The following LETM1 variants were observed in gnomAD, a reference collection of about 807,000 sequenced individuals.
LETM1 encodes mitochondrial proton/calcium exchanger protein.
LETM1 carries 50 observed loss-of-function variants against 74.5 expected under a neutral mutation model. The observed-to-expected ratio is 0.67, with a 90% confidence interval of 0.53 to 0.85. The LOEUF (loss-of-function observed/expected upper bound fraction) is 0.85, where lower values mean the gene tolerates loss of function less well. LETM1 is among the 40% of genes least tolerant of loss of function. LETM1 has a pLI of 0.00. For synonymous variants in LETM1, 446 were observed against 407.1 expected (o/e 1.10, Z -1.15); for missense variants, 824 against 967.8 (o/e 0.85, Z 1.97).
At chr4:1,818,145 G>C (rs1371926133) in intron 11 of LETM1, among the ~76,000 whole-genome samples, 1 of 152,148 alleles carries the variant, frequency 6.6e-6, no homozygotes, top group Non-Finnish European at 1.5e-5. Context: ...GGAAGAATGG[G>C]GAAGGCGAGG....
At position 1,841,512 on chromosome 4, in the gene LETM1, G is replaced by C. The variant is rs1341737552; in HGVS notation, c.429C>G (p.Pro143=). The change falls in exon 3 of 14, where the codon CCC becomes CCG. Residue 143 remains proline, a synonymous_variant. Coordinates refer to ENST00000302787, the MANE Select transcript of LETM1 (RefSeq NM_012318.3). ...ACTTCTTCACCACCACCTCTGCGGG[G>C]GGGCTGTACACCGGGCCGCCTTCCT... ...KLEEGGPVYS[P]PAEVVVKKSL... 1.9e-6 allele frequency: 3 copies of C among 1,614,114 alleles called. No individual in the cohort carries two copies. Among genetic ancestry groups the C allele is most frequent in the African/African-American group, 2.7e-5 (2 of 74,936 alleles).
chr4:1,819,377 C>T lies in LETM1; in HGVS notation c.1704G>A (p.Glu568=). 1 of 1,613,648 alleles carries T rather than the reference C, an allele frequency of 6.2e-7. No individual in the cohort carries two copies. The highest frequency in any genetic ancestry group is 1.1e-5 in the South Asian group (1 of 91,004). ...QKKSLTKEKE[E]LELLKEDVQD... ...GCACATCCTCCTTCAGCAGCTCCAGCTCCTCCTTCTCCTTGGTGAGTGACT... is the reference window on the plus strand; with the variant it reads ...GCACATCCTCCTTCAGCAGCTCCAGTTCCTCCTTCTCCTTGGTGAGTGACT... Residue 568 remains glutamate (E), a synonymous_variant, in exon 11 of 14, where the codon GAG becomes GAA. Transcript: ENST00000302787.
intron 11 of LETM1, 44 bp from the exon 12 acceptor site, chr4:1,816,958 A>C (rs547154533): frequency 6.5e-7 from 1 of 1,546,742 alleles, no homozygotes; most frequent in African/African-American, 1.4e-5. Flanking sequence ...CTTAAAAGAA[A>C]AAGGGGGTCA....
chr4:1,849,710 T>A (rs552897703), intron 1 of LETM1, among the ~76,000 whole-genome samples: 42 of 152,312 alleles, frequency 2.8e-4, no homozygotes, highest in African/African-American at 9.4e-4. Flanking sequence ...GTGTGCACCA[T>A]CAGGCCAGGC....
At chr4:1,847,994 CAAAAAA>C (rs947296976) in intron 2 of LETM1, among the ~76,000 whole-genome samples, 2 of 139,188 alleles carry the variant, frequency 1.4e-5, no homozygotes, top group Non-Finnish European at 3.1e-5. Flanking sequence ...GACTCTGTCT[CAAAAAA>C]AATAAAAATA....
intron 1 of LETM1, among the ~76,000 whole-genome samples, chr4:1,850,521 C>T (rs1271231043): frequency 6.6e-6 from 1 of 151,930 alleles, no homozygotes; most frequent in Non-Finnish European, 1.5e-5. Context: ...TACAACCGGA[C>T]CGGGCGCAGT....
At chr4:1,847,159 C>A (rs1284129387) in intron 2 of LETM1, among the ~76,000 whole-genome samples, 1 of 151,810 alleles carries the variant, frequency 6.6e-6, no homozygotes, top group Non-Finnish European at 1.5e-5. Flanking sequence ...TAGTGAGAAC[C>A]TGTCTCTACA....
In LETM1 at chr4:1,823,681, T is replaced by C. The variant is rs1158483487; in HGVS notation, c.1295A>G (p.Gln432Arg). ...YLPDTLSPAD[Q>R]LKSTLQTLPE... is the part of the protein sequence containing the mutation. ...GAGGGTCTGCAGTGTGGACTTGAGC[T>C]GGTCGGCTGGAGAGAGGGTGTCCGG... Residue 432 changes from glutamine (Q) to arginine (R), a missense_variant, in exon 8 of 14, where the codon CAG (glutamine) becomes CGG (arginine). By Grantham distance (43) the Gln-to-Arg change is conservative. Transcript: ENST00000302787. The C allele has an allele frequency of 1.9e-6, 3 of 1,613,936 alleles. No homozygotes were observed. The highest frequency in any genetic ancestry group is 1.7e-6 in the Non-Finnish European group (2 of 1,179,972).
chr4:1,842,245 T>A (rs1712728557), intron 2 of LETM1, among the ~76,000 whole-genome samples: 1 of 152,198 alleles, frequency 6.6e-6, no homozygotes, highest in African/African-American at 2.4e-5. Flanking sequence ...GAAAGATCCG[T>A]GGCTCTTGAA....
rs372837030 is a variant in LETM1 at position 1,814,284 on chromosome 4, T to A, written c.*140A>T. 18 of 1,307,618 alleles carry A rather than the reference T, an allele frequency of 1.4e-5. 1 individual carries two copies. Among genetic ancestry groups the A allele is most frequent in the South Asian group, 9.6e-5 (7 of 72,616 alleles). 81.0% of individuals were successfully genotyped at this position (1,307,618 alleles called of 1,614,324 possible). ...CTCCGTGGAATGATGAAAATTAAAA[T>A]TTACTTGATTATGGAAGTCTCTGAT... is the stretch of plus-strand genomic sequence containing the variant. On this transcript the variant is annotated 3_prime_UTR_variant, in exon 14 of 14. Coordinates refer to ENST00000302787, the MANE Select transcript of LETM1 (RefSeq NM_012318.3).
In LETM1 at chr4:1,834,634, C is replaced by G. The variant is rs908772510; in HGVS notation, c.876+211G>C. The stretch of plus-strand genomic sequence containing the variant: ...AGACGCCCATAATTCTGAAGGCTGA[C>G]GAGGCGCAGCCACCACAGCTTAACT... On this transcript the variant is annotated intron_variant, in intron 5 of 13. Coordinates refer to ENST00000302787, the MANE Select transcript of LETM1 (RefSeq NM_012318.3). The surrounding 1 kb of genome is among the most constrained non-coding windows in gnomAD (Gnocchi z 5.0). 99 of 1,390,972 alleles carry G rather than the reference C, an allele frequency of 7.1e-5. No homozygotes were observed. Among genetic ancestry groups the G allele is most frequent in the Non-Finnish European group, 8.7e-5 (93 of 1,074,168 alleles). 86.2% of individuals were successfully genotyped at this position (1,390,972 alleles called of 1,614,324 possible). A position where few individuals can be genotyped will look rare whatever the true frequency, so the allele number is the denominator to read the frequency against.
intron 2 of LETM1, among the ~76,000 whole-genome samples, chr4:1,842,627 G>A (rs74996168): frequency 1.4e-4 from 21 of 152,336 alleles, no homozygotes; most frequent in East Asian, 5.8e-4. Flanking sequence ...GTAGGCCACC[G>A]AGGGCCAGAG....
intron 10 of LETM1, among the ~76,000 whole-genome samples, chr4:1,821,942 C>T (rs578078275): frequency 7.9e-5 from 12 of 152,334 alleles, no homozygotes; most frequent in East Asian, 5.8e-4. Flanking sequence ...GCTAAGTTCA[C>T]GGCAGCGTCA....
chr4:1,825,732 GAC>G (rs1217207483), intron 6 of LETM1, 49 bp from the exon 7 acceptor site: 1 of 1,562,052 alleles, frequency 6.4e-7, no homozygotes, highest in Non-Finnish European at 8.7e-7. Flanking sequence ...GCTGGTGGGT[GAC>G]AGTGTCTGTG....
At chr4:1,831,303 C>T (rs993981189) in intron 6 of LETM1, among the ~76,000 whole-genome samples, 1 of 152,234 alleles carries the variant, frequency 6.6e-6, no homozygotes, top group African/African-American at 2.4e-5. Context: ...TGCAGGCTCC[C>T]CATCCAGCCT....
chr4:1,855,894 C>T lies in LETM1; in HGVS notation c.57G>A (p.Pro19=), dbSNP rs1202080927. The change falls in exon 1 of 14, where the codon CCG becomes CCA. Residue 19 remains proline (P), a synonymous_variant. Transcript: ENST00000302787. ...CCCGCGGGACGGTGTACCGAGGCGG[C>T]GGCGGGAGGCGGGCGGGCGCCCGGC... The part of the protein sequence containing the change: ...CRGRAPARLP[P]PPRYTVPRGS... The T allele has an allele frequency of 8.1e-7, 1 of 1,239,038 alleles. No individual in the cohort carries two copies. The highest frequency in any genetic ancestry group is 1.0e-6 in the Non-Finnish European group (1 of 994,140). The allele number at this position is 1,239,038 out of a possible 1,614,324, so 76.8% of individuals were successfully genotyped here.
chr4:1,835,263 G>A (rs1210206166), intron 4 of LETM1, among the ~76,000 whole-genome samples: 2 of 151,928 alleles, frequency 1.3e-5, no homozygotes, highest in African/African-American at 2.4e-5. Flanking sequence ...TGGCCAACAC[G>A]GTGAAACCCC....
At position 1,834,809 on chromosome 4, in the gene LETM1, TG is replaced by T; in HGVS notation, c.876+35del. The T allele has an allele frequency of 5.6e-6, 9 of 1,610,722 alleles. No homozygotes were observed. The highest frequency in any genetic ancestry group is 7.6e-6 in the Non-Finnish European group (9 of 1,177,528). Reference sequence around the variant, plus strand: ...AAACAGAAAATCAGGGAAGGCTCCCTGGTGAGGTCACAGGGACTCAGACGTA... The same window carrying T: ...AAACAGAAAATCAGGGAAGGCTCCCTGTGAGGTCACAGGGACTCAGACGTA... On this transcript the variant is annotated intron_variant, in intron 5 of 13. Transcript: ENST00000302787. This position sits in a 1 kb window ranked among gnomAD's most constrained non-coding sequence, Gnocchi z 5.0.
intron 3 of LETM1, among the ~76,000 whole-genome samples, chr4:1,839,714 C>T (rs1267319190): frequency 6.6e-6 from 1 of 152,214 alleles, no homozygotes; most frequent in African/African-American, 2.4e-5. Flanking sequence ...TCCCAACTTC[C>T]TGACTATGGG....
Sources: allele counts gnomAD v4.1 joint callset (sites outside exome capture counted in the v4.1 genomes callset), GRCh38; gene constraint gnomAD v4.1.1; non-coding constraint Gnocchi (gnomAD v3.1); transcripts MANE v1.5; gene names NCBI Gene and HGNC (gene_info 2026-07-23, HGNC 2026-07-21).